Variants in RXRA observed in about 807,000 individuals in gnomAD.
RXRA encodes retinoid X receptor alpha, also known as retinoic acid receptor RXR-alpha.
RXRA carries 5 observed loss-of-function variants against 44.5 expected under a neutral mutation model. The observed-to-expected ratio is 0.11, with a 90% CI of 0.06 to 0.24. The LOEUF is 0.24. Ranked by LOEUF, RXRA falls within the 10% of genes least tolerant of loss-of-function variation. The pLI is 1.00. For missense variants in RXRA, 412 were observed against 646.5 expected, an observed-to-expected ratio of 0.64 and a Z score of 3.93; for synonymous variants, 291 against 271.4, an observed-to-expected ratio of 1.07 and a Z score of -0.71.
At chr9:134,353,998 C>G (rs553997663) in intron 1 of RXRA, among the ~76,000 whole-genome samples, 16 of 152,164 alleles carry the variant, frequency 1.1e-4, no homozygotes, top group Non-Finnish European at 2.4e-4. Context: ...GAGGGGGCCA[C>G]AAGCTCCTGG....
At chr9:134,328,007 G>A (rs1406627865) in intron 1 of RXRA, among the ~76,000 whole-genome samples, 1 of 152,180 alleles carries the variant, frequency 6.6e-6, no homozygotes, top group Admixed American at 6.5e-5. Flanking sequence ...GAGCCCCCAG[G>A]ATACAAGGTG....
chr9:134,387,688 C>A (rs1030996018), intron 1 of RXRA, among the ~76,000 whole-genome samples: 1 of 152,224 alleles, frequency 6.6e-6, no homozygotes, highest in Admixed American at 6.5e-5. Context: ...GAGCGTTCCC[C>A]GCATTTTGTG....
At chr9:134,338,240 T>C (rs782702521) in intron 1 of RXRA, among the ~76,000 whole-genome samples, 1 of 152,198 alleles carries the variant, frequency 6.6e-6, no homozygotes, top group Non-Finnish European at 1.5e-5. Flanking sequence ...CGGGCAGGTG[T>C]GTGGGGCACG....
At chr9:134,346,616 A>G (rs1408846139) in intron 1 of RXRA, among the ~76,000 whole-genome samples, 13 of 152,188 alleles carry the variant, frequency 8.5e-5, no homozygotes, top group Non-Finnish European at 1.8e-4. Context: ...AGGTCCTGGC[A>G]CTGCCCAGCT....
At chr9:134,411,764 C>T (rs367886354) in intron 4 of RXRA, among the ~76,000 whole-genome samples, 11 of 152,232 alleles carry the variant, frequency 7.2e-5, no homozygotes, top group Non-Finnish European at 1.3e-4. Flanking sequence ...GGCACCTCTG[C>T]GTGGGCGGTG....
In RXRA at chr9:134,425,084, C is replaced by T. The variant is rs1211555376; in HGVS notation, c.910+3279C>T. On this transcript the variant is annotated intron_variant, in intron 6 of 9. Coordinates refer to ENST00000481739, the MANE Select transcript of RXRA (RefSeq NM_002957.6). ...CCATTGGCCATGCAGGTTCAAGGCCCAAGGTCTCTGCTCACTCCGGGGAGT... is the reference window on the plus strand; with the variant it reads ...CCATTGGCCATGCAGGTTCAAGGCCTAAGGTCTCTGCTCACTCCGGGGAGT... The T allele has an allele frequency of 3.0e-6, 3 of 985,322 alleles. No individual in the cohort carries two copies. The African/African-American group carries it at 5.2e-5, about 17-fold the overall frequency. The allele number at this position is 985,322 out of a possible 1,614,324, so 61.0% of individuals were successfully genotyped here. A position where few individuals can be genotyped will look rare whatever the true frequency, so the allele number is the denominator to read the frequency against.
chr9:134,373,835 T>C (rs1830519448), intron 1 of RXRA, among the ~76,000 whole-genome samples: 1 of 152,258 alleles, frequency 6.6e-6, no homozygotes, highest in African/African-American at 2.4e-5. Flanking sequence ...TTCTAATTTA[T>C]TTTAATTAAA....
chr9:134,401,272 C>T (rs999851943), intron 1 of RXRA: 21 of 340,830 alleles, frequency 6.2e-5, no homozygotes, highest in African/African-American at 2.2e-4. Flanking sequence ...TGACTAGTCC[C>T]GGCCACCAGC....
intron 1 of RXRA, among the ~76,000 whole-genome samples, chr9:134,367,013 T>C (rs1214634899): frequency 2.0e-5 from 3 of 152,184 alleles, no homozygotes; most frequent in African/African-American, 7.2e-5. Flanking sequence ...CCAGGCTTAT[T>C]ATCCGATTGG....
intron 1 of RXRA, among the ~76,000 whole-genome samples, chr9:134,331,237 G>A (rs1308781486): frequency 6.6e-6 from 1 of 152,236 alleles, no homozygotes; most frequent in Non-Finnish European, 1.5e-5. Context: ...AGCCTGGTGC[G>A]AGATGTTCTG....
Position 134,381,802 on chromosome 9 carries a change from G to A in RXRA, c.29-19830G>A, listed in dbSNP as rs542845321. 2.0e-5 allele frequency among the ~76,000 whole-genome samples: 3 copies of A among 152,256 alleles called. No homozygotes were observed. In the South Asian group the frequency reaches 6.2e-4, roughly 32 times the overall value. On this transcript the variant is annotated intron_variant, in intron 1 of 9. Coordinates refer to ENST00000481739, the MANE Select transcript of RXRA (RefSeq NM_002957.6). ...GCAAATTAGCCCCGACCTCCCCGGG[G>A]TGCCCAGCAGGGGCGCACTGCACCT...
At chr9:134,392,982 C>A (rs957820695) in intron 1 of RXRA, among the ~76,000 whole-genome samples, 1 of 151,964 alleles carries the variant, frequency 6.6e-6, no homozygotes, top group Non-Finnish European at 1.5e-5. Flanking sequence ...CCTGCTCGTC[C>A]CTGTTAGGGG....
chr9:134,410,478 GCCCAGCCTGGAGAGGTGTGTA>G (rs1468846916), intron 4 of RXRA, among the ~76,000 whole-genome samples: 5 of 152,232 alleles, frequency 3.3e-5, no homozygotes, highest in East Asian at 3.9e-4. Flanking sequence ...AGAGGTGTGT[GCCCAGCCTGGAGAGGTGTGTA>G]CCCAGCCTGG....
chr9:134,377,988 C>T (rs1482569347), intron 1 of RXRA, among the ~76,000 whole-genome samples: 3 of 152,256 alleles, frequency 2.0e-5, no homozygotes, highest in East Asian at 3.9e-4. Flanking sequence ...TGCAGCTCAG[C>T]GTCGGCCACA....
At position 134,407,680 on chromosome 9, in the gene RXRA, C is replaced by T. The variant is rs2119155982; in HGVS notation, c.280-469C>T. Among the ~76,000 whole-genome samples the T allele has an allele frequency of 6.6e-6, 1 of 152,116 alleles. No individual in the cohort carries two copies. The highest frequency in any genetic ancestry group is 3.4e-3 in the Middle Eastern group (1 of 294). ...TGTATGTGTGGTTCTTGGGGGGGTC[C>T]CCAGCCCTCCTCCGTCCTGGGAACT... On this transcript the variant is annotated intron_variant, in intron 2 of 9. Coordinates refer to ENST00000481739, the MANE Select transcript of RXRA (RefSeq NM_002957.6). The surrounding 1 kb of genome is among the most constrained non-coding windows in gnomAD (Gnocchi z 4.8).
At chr9:134,391,037 C>G (rs879536255) in intron 1 of RXRA, among the ~76,000 whole-genome samples, 35 of 152,192 alleles carry the variant, frequency 2.3e-4, no homozygotes, top group Middle Eastern at 6.8e-3. Context: ...CCGCGTGGCC[C>G]CGGTGGCCAT....
At chr9:134,380,594 A>T (rs900624031) in intron 1 of RXRA, among the ~76,000 whole-genome samples, 3 of 151,084 alleles carry the variant, frequency 2.0e-5, no homozygotes, top group Admixed American at 6.6e-5. Flanking sequence ...AGGGTTGGTG[A>T]CCTAGTGCCA....
intron 1 of RXRA, among the ~76,000 whole-genome samples, chr9:134,337,915 G>A (rs1830030892): frequency 1.3e-5 from 2 of 152,132 alleles, no homozygotes; most frequent in African/African-American, 4.8e-5. Context: ...TCAGGTGGCC[G>A]CGTGCCAGCC....
chr9:134,373,518 G>A (rs140647599), intron 1 of RXRA, among the ~76,000 whole-genome samples: 2,485 of 152,384 alleles, frequency 0.016, 24 homozygotes, highest in Middle Eastern at 0.027. Context: ...TGGCCACGAG[G>A]TGGTGTGGGT....
Sources: gnomAD v4.1 joint callset for allele counts (sites outside exome capture counted in the v4.1 genomes callset) on GRCh38, gnomAD v4.1.1 for gene constraint, Gnocchi (gnomAD v3.1) non-coding constraint, MANE v1.5 for transcripts, NCBI Gene and HGNC (gene_info 2026-07-23, HGNC 2026-07-21) for gene names.